SLC39A11: variants seen among roughly 807,000 people sequenced by gnomAD.
SLC39A11 encodes zinc transporter ZIP11.
In SLC39A11, 33 loss-of-function variants were observed where a neutral mutation model predicts 36.1. That is an observed-to-expected ratio of 0.91 (90% confidence interval 0.69 to 1.22). SLC39A11 has a LOEUF of 1.22. Among genes scored for constraint, SLC39A11 ranks in the 50% most tolerant of loss-of-function variants. SLC39A11 has a pLI of 0.00. For missense variants in SLC39A11, 432 were observed against 430.3 expected (o/e 1.00, Z -0.03); for synonymous variants, 166 against 170.3 (o/e 0.97, Z 0.20).
At position 72,925,484 on chromosome 17, in the gene SLC39A11, G is replaced by A. The variant is rs115786617; in HGVS notation, c.430+22268C>T. ...GTAGGGATACCTCCTCCCTCCCACA[G>A]ATACCAAGATCTGCTGATCAAGTCC... On this transcript the variant is annotated intron_variant, in intron 5 of 9. Coordinates refer to ENST00000255559, the MANE Select transcript of SLC39A11 (RefSeq NM_139177.4). Among the ~76,000 whole-genome samples, 783 of 152,260 alleles carry A rather than the reference G, an allele frequency of 5.1e-3. 5 individuals carry two copies. Among genetic ancestry groups the A allele is most frequent in the African/African-American group, 0.016 (676 of 41,554 alleles).
intron 4 of SLC39A11, among the ~76,000 whole-genome samples, chr17:72,963,744 G>T (rs947418989): frequency 6.6e-6 from 1 of 152,132 alleles, no homozygotes; most frequent in African/African-American, 2.4e-5. Context: ...TCATTATATA[G>T]TTGAGGTTCT....
intron 6 of SLC39A11, among the ~76,000 whole-genome samples, chr17:72,779,974 G>A (rs1234192827): frequency 2.6e-5 from 4 of 152,190 alleles, no homozygotes; most frequent in Non-Finnish European, 5.9e-5. Flanking sequence ...TGGCACCAGG[G>A]ATTCTTTCCC....
intron 7 of SLC39A11, among the ~76,000 whole-genome samples, chr17:72,731,390 C>T (rs571316592): frequency 6.6e-6 from 1 of 152,246 alleles, no homozygotes; most frequent in Non-Finnish European, 1.5e-5. Flanking sequence ...GAATTGTAAT[C>T]CCCAATGTTG....
chr17:72,702,803 G>T lies in SLC39A11; in HGVS notation c.671+33847C>A, dbSNP rs191856942. On this transcript the variant is annotated intron_variant, in intron 7 of 9. Coordinates refer to ENST00000255559, the MANE Select transcript of SLC39A11 (RefSeq NM_139177.4). ...AATACAAAAATTAGCCAGGTGTGGT[G>T]GTGCATGCCTGTAATTCCAGCTACT... Among the ~76,000 whole-genome samples, 115 of 152,002 alleles carry T rather than the reference G, an allele frequency of 7.6e-4. 1 individual carries two copies. Among genetic ancestry groups the T allele is most frequent in the Admixed American group, 4.6e-3 (70 of 15,258 alleles).
chr17:72,775,004 A>T (rs1309343052), intron 6 of SLC39A11, among the ~76,000 whole-genome samples: 1 of 151,916 alleles, frequency 6.6e-6, no homozygotes, highest in Non-Finnish European at 1.5e-5. Flanking sequence ...AAGAAAAAAA[A>T]AAAATAAGCT....
At position 73,049,156 on chromosome 17, in the gene SLC39A11, C is replaced by T. The variant is rs1182712051; in HGVS notation, c.148-17442G>A. Among the ~76,000 whole-genome samples the T allele has an allele frequency of 2.0e-5, 3 of 152,154 alleles. No homozygotes were observed. In the East Asian group the frequency reaches 5.8e-4, roughly 29 times the overall value. On this transcript the variant is annotated intron_variant, in intron 3 of 9. Coordinates refer to ENST00000255559, the MANE Select transcript of SLC39A11 (RefSeq NM_139177.4). ...GGCAAGTAGCTGGGATTCCAGACAG[C>T]CAGGAGCTCAAAGTTTCAAGCAGGG...
chr17:72,754,904 T>C (rs1197757363), intron 6 of SLC39A11, among the ~76,000 whole-genome samples: 2 of 152,148 alleles, frequency 1.3e-5, no homozygotes, highest in South Asian at 2.1e-4. Flanking sequence ...CACACAAGCA[T>C]GCATAGAAAG....
At chr17:72,861,892 A>G (rs2080059271) in intron 5 of SLC39A11, among the ~76,000 whole-genome samples, 1 of 150,430 alleles carries the variant, frequency 6.6e-6, no homozygotes, top group Non-Finnish European at 1.5e-5. Flanking sequence ...TTGAAACTTA[A>G]TGAAATAGCA....
At chr17:73,035,047 C>T (rs1256075888) in intron 3 of SLC39A11, among the ~76,000 whole-genome samples, 1 of 152,192 alleles carries the variant, frequency 6.6e-6, no homozygotes, top group Non-Finnish European at 1.5e-5. Flanking sequence ...CACACACAAA[C>T]TGGAAAACCA....
chr17:73,045,103 T>C (rs1430270775), intron 3 of SLC39A11, among the ~76,000 whole-genome samples: 2 of 152,026 alleles, frequency 1.3e-5, no homozygotes, highest in African/African-American at 2.4e-5. Context: ...TTCTGGGGTC[T>C]ATCCTAAAAT....
intron 1 of SLC39A11, chr17:73,091,742 C>G (rs975541807): frequency 1.3e-5 from 2 of 152,232 alleles, no homozygotes; most frequent in Non-Finnish European, 2.9e-5. Context: ...TTCCATCAAC[C>G]CTGATTCGTT....
At chr17:72,768,736 T>TTTTA (rs199723288) in intron 6 of SLC39A11, among the ~76,000 whole-genome samples, 2,612 of 152,040 alleles carry the variant, frequency 0.017, 75 homozygotes, top group African/African-American at 0.059. Context: ...ACTTCTTGGT[T>TTTTA]TTTATTTATT....
chr17:72,661,006 C>T (rs2070386063), intron 7 of SLC39A11, among the ~76,000 whole-genome samples: 1 of 152,198 alleles, frequency 6.6e-6, no homozygotes, highest in Non-Finnish European at 1.5e-5. Context: ...AAAAACTGCT[C>T]AGACTGAGTG....
At chr17:72,883,804 G>T (rs1034682204) in intron 5 of SLC39A11, among the ~76,000 whole-genome samples, 1 of 152,162 alleles carries the variant, frequency 6.6e-6, no homozygotes, top group African/African-American at 2.4e-5. Context: ...ATCATAGTGT[G>T]AAAACTGAAG....
chr17:72,753,673 C>T (rs1015691215), intron 6 of SLC39A11, among the ~76,000 whole-genome samples: 1 of 151,832 alleles, frequency 6.6e-6, no homozygotes, highest in Non-Finnish European at 1.5e-5. Context: ...GTCTGGGGAT[C>T]TGTTACCTTC....
intron 6 of SLC39A11, among the ~76,000 whole-genome samples, chr17:72,804,120 C>G (rs547373723): frequency 1.3e-5 from 2 of 152,066 alleles, no homozygotes; most frequent in South Asian, 2.1e-4. Flanking sequence ...CTCAGCCTCC[C>G]GAGTAGCTGG....
intron 5 of SLC39A11, among the ~76,000 whole-genome samples, chr17:72,871,264 T>C (rs941723851): frequency 6.6e-6 from 1 of 152,026 alleles, no homozygotes; most frequent in Non-Finnish European, 1.5e-5. Context: ...GGTTTTACTA[T>C]ATGCCCAGGC....
chr17:73,075,931 T>C (rs996650909), intron 3 of SLC39A11, among the ~76,000 whole-genome samples: 1 of 152,224 alleles, frequency 6.6e-6, no homozygotes, highest in Non-Finnish European at 1.5e-5. Context: ...GGAGGAATAA[T>C]AGTAACTGGT....
intron 4 of SLC39A11, among the ~76,000 whole-genome samples, chr17:72,983,803 C>T (rs1465572211): frequency 6.6e-6 from 1 of 152,134 alleles, no homozygotes; most frequent in African/African-American, 2.4e-5. Flanking sequence ...ACGGTGAGAA[C>T]GAAGTCGGAA....
Sources: gnomAD v4.1 joint callset for allele counts (sites outside exome capture counted in the v4.1 genomes callset) on GRCh38, gnomAD v4.1.1 for gene constraint, MANE v1.5 for transcripts, NCBI Gene and HGNC (gene_info 2026-07-23, HGNC 2026-07-21) for gene names.